PCBP3: variants seen among roughly 807,000 people sequenced by gnomAD.
The protein encoded by PCBP3 is poly(rC) binding protein 3.
PCBP3 carries 25 observed loss-of-function variants against 52.7 expected under a neutral mutation model. That is an observed-to-expected ratio of 0.47 (90% CI 0.35 to 0.66). PCBP3 has a LOEUF of 0.66. Among genes scored for constraint, PCBP3 ranks in the 30% least tolerant of loss-of-function variants. The pLI, the probability that PCBP3 is intolerant of heterozygous loss-of-function variation, is 0.01. For synonymous variants in PCBP3, 162 were observed against 183.0 expected, an observed-to-expected ratio of 0.89 and a Z score of 0.93; for missense variants, 391 against 490.3, an observed-to-expected ratio of 0.80 and a Z score of 1.91.
At chr21:45,809,941 G>A (rs1329217142) in intron 4 of PCBP3, among the ~76,000 whole-genome samples, 5 of 152,170 alleles carry the variant, frequency 3.3e-5, no homozygotes, top group Non-Finnish European at 7.3e-5. Context: ...TTTTGCAGAT[G>A]GTATCAGGGT....
rs1033637071 is a variant in PCBP3 at position 45,941,775 on chromosome 21, G to A, written c.*69G>A. 91 of 1,274,806 alleles carry A rather than the reference G, an allele frequency of 7.1e-5. No homozygotes were observed. Among genetic ancestry groups the A allele is most frequent in the Non-Finnish European group, 4.4e-6 (4 of 909,476 alleles). 79.0% of individuals were successfully genotyped at this position (1,274,806 alleles called of 1,614,324 possible). A position where few individuals can be genotyped will look rare whatever the true frequency, so the allele number is the denominator to read the frequency against. On this transcript the variant is annotated 3_prime_UTR_variant, in exon 18 of 18. Transcript: ENST00000681687. ...CTAAGGCCCCCGGCTCTCGCACTCTGTACAGCCCACCTTCCCTGCCTCACA... is the reference window on the plus strand; with the variant it reads ...CTAAGGCCCCCGGCTCTCGCACTCTATACAGCCCACCTTCCCTGCCTCACA...
chr21:45,822,929 C>T (rs1319532357), intron 4 of PCBP3, among the ~76,000 whole-genome samples: 1 of 152,136 alleles, frequency 6.6e-6, no homozygotes, highest in African/African-American at 2.4e-5. Context: ...ACCACTGTCA[C>T]CCCATGGTAT....
chr21:45,739,363 A>C (rs1333917538), intron 3 of PCBP3, among the ~76,000 whole-genome samples: 4 of 75,466 alleles, frequency 5.3e-5, no homozygotes, highest in Non-Finnish European at 7.3e-5. Context: ...CTTCCTGTCC[A>C]CGGTCCTCTG....
chr21:45,798,137 G>C (rs2092090479), intron 4 of PCBP3, among the ~76,000 whole-genome samples: 1 of 152,208 alleles, frequency 6.6e-6, no homozygotes, highest in African/African-American at 2.4e-5. Context: ...TATCCATAGA[G>C]AGTGAATGCA....
chr21:45,778,994 GC>G (rs950255569), intron 4 of PCBP3, among the ~76,000 whole-genome samples: 2 of 152,164 alleles, frequency 1.3e-5, no homozygotes, highest in South Asian at 2.1e-4. Context: ...CACAGGGCTT[GC>G]CCCCCAGCCC....
intron 4 of PCBP3, among the ~76,000 whole-genome samples, chr21:45,780,378 T>G (rs75024288): frequency 1.3e-5 from 2 of 152,282 alleles, no homozygotes; most frequent in African/African-American, 4.8e-5. Flanking sequence ...ATTCTAGTTA[T>G]GATCTGATGG....
chr21:45,809,318 C>T (rs937487761), intron 4 of PCBP3, among the ~76,000 whole-genome samples: 5 of 152,288 alleles, frequency 3.3e-5, no homozygotes, highest in Non-Finnish European at 4.4e-5. Context: ...GAATTTATTT[C>T]GATGACTCTA....
intron 1 of PCBP3, among the ~76,000 whole-genome samples, chr21:45,665,057 A>G (rs1356024291): frequency 6.6e-6 from 1 of 151,900 alleles, no homozygotes; most frequent in Non-Finnish European, 1.5e-5. Context: ...AGCTATCACA[A>G]ATGAAATTGA....
chr21:45,837,399 G>A lies in PCBP3; in HGVS notation c.-125-12562G>A, dbSNP rs908196358. Among the ~76,000 whole-genome samples, 9 of 152,258 alleles carry A rather than the reference G, an allele frequency of 5.9e-5. No homozygotes were observed. Among genetic ancestry groups the A allele is most frequent in the African/African-American group, 1.7e-4 (7 of 41,470 alleles). On this transcript the variant is annotated intron_variant, in intron 4 of 17. Transcript: ENST00000681687. The surrounding 1 kb of genome is among the most constrained non-coding windows in gnomAD (Gnocchi z 4.1). ...TGCAAGCCACAGGCAGCAGCACAGC[G>A]CTGCAGAGCTCCCAGGATGCTGGCT... is the stretch of plus-strand genomic sequence containing the variant.
intron 5 of PCBP3, chr21:45,872,733 G>A (rs1388447289): frequency 1.6e-5 from 2 of 121,798 alleles, no homozygotes; most frequent in African/African-American, 2.7e-5. Context: ...GCTGTGGCAA[G>A]GGCTGTCTGT....
At chr21:45,722,723 C>T (rs769040589) in intron 2 of PCBP3, among the ~76,000 whole-genome samples, 18 of 151,904 alleles carry the variant, frequency 1.2e-4, no homozygotes, top group Non-Finnish European at 2.2e-4. Context: ...TAAATGTAGC[C>T]GGGCACAGTG....
At position 45,676,827 on chromosome 21, in the gene PCBP3, A is replaced by G. The variant is rs1024196532; in HGVS notation, c.-200+7875A>G. Reference sequence around the variant, plus strand: ...CACTCTGTTCCCCAGGCTGGAGTGCAGTGGTGTGATCTCAGTTCACTGCAA... The same window carrying G: ...CACTCTGTTCCCCAGGCTGGAGTGCGGTGGTGTGATCTCAGTTCACTGCAA... On this transcript the variant is annotated intron_variant, in intron 2 of 17. Transcript: ENST00000681687. 9.2e-5 allele frequency among the ~76,000 whole-genome samples: 14 copies of G among 152,194 alleles called. 1 individual carries two copies. The highest frequency in any genetic ancestry group is 1.8e-4 in the Non-Finnish European group (12 of 67,998).
intron 1 of PCBP3, among the ~76,000 whole-genome samples, chr21:45,653,517 T>C (rs1480301142): frequency 1.3e-5 from 2 of 152,172 alleles, no homozygotes; most frequent in Non-Finnish European, 2.9e-5. Flanking sequence ...CTTTATGATA[T>C]GGTATGTCTG....
At chr21:45,907,074 C>A (rs772863196) in intron 9 of PCBP3, among the ~76,000 whole-genome samples, 37 of 152,242 alleles carry the variant, frequency 2.4e-4, no homozygotes, top group Non-Finnish European at 2.8e-4. Flanking sequence ...CCGCCCGTTC[C>A]TTCCTCGGGC....
At chr21:45,884,513 CAT>C (rs1282504695) in intron 5 of PCBP3, among the ~76,000 whole-genome samples, 3 of 152,078 alleles carry the variant, frequency 2.0e-5, no homozygotes, top group South Asian at 2.1e-4. Flanking sequence ...ATAACATACA[CAT>C]ATGCAACATG....
chr21:45,721,224 C>A (rs1279517336), intron 2 of PCBP3, among the ~76,000 whole-genome samples: 1 of 152,132 alleles, frequency 6.6e-6, no homozygotes, highest in Non-Finnish European at 1.5e-5. Flanking sequence ...ACCAGCCTGG[C>A]CAATGTGGCG....
chr21:45,851,505 G>A lies in PCBP3; in HGVS notation c.10+1410G>A, dbSNP rs547951095. ...CCAGCCTGGGCCATGGAGTGAGATT[G>A]TCTTAAAAAAAAGAAAGAAAGTGAA... On this transcript the variant is annotated intron_variant, in intron 5 of 17. Coordinates refer to ENST00000681687, the MANE Select transcript of PCBP3 (RefSeq NM_001384156.1). 2.6e-5 allele frequency among the ~76,000 whole-genome samples: 4 copies of A among 152,082 alleles called. No individual in the cohort carries two copies. The East Asian group carries it at 7.7e-4, about 29-fold the overall frequency.
chr21:45,813,328 C>T (rs1453647591), intron 4 of PCBP3, among the ~76,000 whole-genome samples: 4 of 152,118 alleles, frequency 2.6e-5, no homozygotes, highest in African/African-American at 9.7e-5. Flanking sequence ...TTGTCTTCTC[C>T]GAAATTTTTA....
intron 2 of PCBP3, among the ~76,000 whole-genome samples, chr21:45,690,824 T>C (rs2082418208): frequency 1.3e-5 from 2 of 152,122 alleles, no homozygotes; most frequent in Non-Finnish European, 2.9e-5. Flanking sequence ...GAGATACCGG[T>C]ATACATCTAA....
Sources: allele counts gnomAD v4.1 joint callset (sites outside exome capture counted in the v4.1 genomes callset), GRCh38; gene constraint gnomAD v4.1.1; non-coding constraint Gnocchi (gnomAD v3.1); transcripts MANE v1.5; gene names NCBI Gene and HGNC (gene_info 2026-07-23, HGNC 2026-07-21).